GNG12: variants seen among roughly 807,000 people sequenced by gnomAD.
GNG12 encodes guanine nucleotide-binding protein G(I)/G(S)/G(O) subunit gamma-12.
For synonymous variants in GNG12, 28 were observed against 29.7 expected, an observed-to-expected ratio of 0.94 and a Z score of 0.19; for missense variants, 69 against 83.8, an observed-to-expected ratio of 0.82 and a Z score of 0.69.
chr1:67,831,292 C>T (rs1459590938), intron 1 of GNG12, among the ~76,000 whole-genome samples: 1 of 152,338 alleles, frequency 6.6e-6, no homozygotes, highest in African/African-American at 2.4e-5. Flanking sequence ...GACCATGAAG[C>T]CCTTTGCTCT....
At chr1:67,803,204 G>A (rs894370413) in intron 1 of GNG12, among the ~76,000 whole-genome samples, 5 of 146,404 alleles carry the variant, frequency 3.4e-5, no homozygotes, top group African/African-American at 1.3e-4. Flanking sequence ...TATCCCATTA[G>A]GGAGAAAATT....
At chr1:67,811,666 T>C (rs138994202) in intron 1 of GNG12, among the ~76,000 whole-genome samples, 16 of 152,320 alleles carry the variant, frequency 1.1e-4, no homozygotes, top group African/African-American at 3.6e-4. Context: ...TTACACTGCC[T>C]GTTGCCCAGA....
intron 2 of GNG12, among the ~76,000 whole-genome samples, chr1:67,744,186 G>A (rs2100716786): frequency 6.6e-6 from 1 of 152,248 alleles, no homozygotes; most frequent in South Asian, 2.1e-4. Flanking sequence ...CCCACTTTAT[G>A]TATGGAGAAA....
At chr1:67,758,040 C>T (rs1169138930) in intron 2 of GNG12, among the ~76,000 whole-genome samples, 3 of 152,156 alleles carry the variant, frequency 2.0e-5, no homozygotes, top group East Asian at 1.9e-4. Context: ...GGCACGGTCT[C>T]GGCTCACTGC....
chr1:67,774,863 G>A (rs1368230651), intron 2 of GNG12, among the ~76,000 whole-genome samples: 1 of 152,170 alleles, frequency 6.6e-6, no homozygotes, highest in Non-Finnish European at 1.5e-5. Flanking sequence ...GCCCATAGAA[G>A]TAATTCACTA....
chr1:67,739,140 T>C (rs538864656), intron 2 of GNG12, among the ~76,000 whole-genome samples: 1 of 152,048 alleles, frequency 6.6e-6, no homozygotes, highest in African/African-American at 2.4e-5. Context: ...GATTGCACCA[T>C]TGCACTCTAG....
At chr1:67,713,551 G>A (rs1443524288) in intron 2 of GNG12, among the ~76,000 whole-genome samples, 1 of 151,976 alleles carries the variant, frequency 6.6e-6, no homozygotes, top group East Asian at 1.9e-4. Flanking sequence ...GGAAGCCCCA[G>A]GGTCTGAATC....
chr1:67,717,898 T>C (rs961646965), intron 2 of GNG12, among the ~76,000 whole-genome samples: 1 of 152,244 alleles, frequency 6.6e-6, no homozygotes, highest in Non-Finnish European at 1.5e-5. Context: ...TTACGCTAAG[T>C]TGCTGTACTT....
chr1:67,743,406 T>A (rs17130232), intron 2 of GNG12, among the ~76,000 whole-genome samples: 2 of 152,170 alleles, frequency 1.3e-5, no homozygotes, highest in Admixed American at 6.5e-5. Context: ...AAAAACTGCA[T>A]CTAACCTCAT....
intron 2 of GNG12, among the ~76,000 whole-genome samples, chr1:67,721,204 G>A (rs1330130613): frequency 2.0e-5 from 3 of 151,862 alleles, no homozygotes; most frequent in African/African-American, 7.3e-5. Flanking sequence ...TGAAGTGAGA[G>A]AATATTTCCA....
intron 2 of GNG12, among the ~76,000 whole-genome samples, chr1:67,749,568 G>A (rs1646526646): frequency 6.6e-6 from 1 of 152,122 alleles, no homozygotes; most frequent in Non-Finnish European, 1.5e-5. Flanking sequence ...AAGGGTCTGG[G>A]TACAACTGTT....
intron 2 of GNG12, among the ~76,000 whole-genome samples, chr1:67,748,074 C>T (rs1286474639): frequency 6.6e-6 from 1 of 152,036 alleles, no homozygotes; most frequent in Non-Finnish European, 1.5e-5. Flanking sequence ...ACAGAACATT[C>T]TATATCAGAA....
At chr1:67,778,392 C>A (rs1646718671) in intron 1 of GNG12, among the ~76,000 whole-genome samples, 1 of 152,092 alleles carries the variant, frequency 6.6e-6, no homozygotes, top group South Asian at 2.1e-4. Flanking sequence ...GTCTAGGGAA[C>A]CTATTCTTGG....
intron 2 of GNG12, among the ~76,000 whole-genome samples, chr1:67,737,067 T>G (rs1309786918): frequency 6.6e-6 from 1 of 152,218 alleles, no homozygotes; most frequent in African/African-American, 2.4e-5. Context: ...CTCCTGAAAT[T>G]CCACGTAGGC....
intron 1 of GNG12, among the ~76,000 whole-genome samples, chr1:67,789,218 A>T (rs1646787075): frequency 6.6e-6 from 1 of 152,212 alleles, no homozygotes; most frequent in East Asian, 1.9e-4. Context: ...GCATCCCCCC[A>T]GGAAGCTCAG....
chr1:67,706,687 T>C (rs1420541367), intron 3 of GNG12, among the ~76,000 whole-genome samples: 1 of 151,504 alleles, frequency 6.6e-6, no homozygotes, highest in Non-Finnish European at 1.5e-5. Context: ...TGAAGTTTTG[T>C]TCTTGTTGCC....
At chr1:67,747,885 G>A (rs1295446087) in intron 2 of GNG12, among the ~76,000 whole-genome samples, 6 of 152,216 alleles carry the variant, frequency 3.9e-5, no homozygotes, top group Admixed American at 1.3e-4. Flanking sequence ...GTCCAGGAAC[G>A]TATGCTATGC....
chr1:67,773,023 A>T (rs1646683947), intron 2 of GNG12, among the ~76,000 whole-genome samples: 1 of 152,218 alleles, frequency 6.6e-6, no homozygotes, highest in African/African-American at 2.4e-5. Context: ...TCCTGAATAC[A>T]GCTGTGCCTG....
intron 1 of GNG12, among the ~76,000 whole-genome samples, chr1:67,821,037 C>A (rs1646981745): frequency 6.6e-6 from 1 of 152,078 alleles, no homozygotes; most frequent in Admixed American, 6.6e-5. Flanking sequence ...TGTTTTATTC[C>A]TAAGCCAAAT....
Sources: gnomAD v4.1 joint callset for allele counts (sites outside exome capture counted in the v4.1 genomes callset) on GRCh38, gnomAD v4.1.1 for gene constraint, MANE v1.5 for transcripts, NCBI Gene and HGNC (gene_info 2026-07-23, HGNC 2026-07-21) for gene names.